Variants in RBFOX1 observed in about 807,000 individuals in gnomAD.
RBFOX1 encodes RNA binding protein fox-1 homolog 1.
RBFOX1 carries 8 observed loss-of-function variants against 57.7 expected under a neutral mutation model. That is an observed-to-expected ratio of 0.14 (90% confidence interval 0.08 to 0.25). The LOEUF (loss-of-function observed/expected upper bound fraction) is 0.25. RBFOX1 is among the 10% of genes least tolerant of loss of function. The pLI is 1.00. For synonymous variants in RBFOX1, 326 were observed against 222.4 expected (o/e 1.47, Z -4.15); for missense variants, 611 against 548.5 (o/e 1.11, Z -1.14).
At chr16:6,859,143 A>ATATATATATGTATATATACG (rs2058494083) in intron 3 of RBFOX1, among the ~76,000 whole-genome samples, 1 of 88,096 alleles carries the variant, frequency 1.1e-5, no homozygotes, top group African/African-American at 5.7e-5. Flanking sequence ...ATATATACGT[A>ATATATATATGTATATATACG]TATATATATG....
intron 7 of RBFOX1, among the ~76,000 whole-genome samples, chr16:7,594,039 A>G (rs534459707): frequency 1.3e-5 from 2 of 152,106 alleles, no homozygotes; most frequent in Non-Finnish European, 2.9e-5. Flanking sequence ...GGTTTGTTAC[A>G]TAGGTATACG....
intron 14 of RBFOX1, 136 bp from the exon 15 acceptor site, chr16:7,708,920 C>T: frequency 1.4e-6 from 1 of 727,234 alleles, no homozygotes; most frequent in Non-Finnish European, 2.4e-6. Flanking sequence ...TTATACTACA[C>T]AGCAGAGTAG....
chr16:6,853,149 T>C (rs2094160349), intron 3 of RBFOX1, among the ~76,000 whole-genome samples: 1 of 152,192 alleles, frequency 6.6e-6, no homozygotes, highest in South Asian at 2.1e-4. Context: ...GCTGCTTAAC[T>C]TCTCTGAGCC....
At chr16:7,649,902 T>A (rs573861004) in intron 11 of RBFOX1, among the ~76,000 whole-genome samples, 1 of 151,088 alleles carries the variant, frequency 6.6e-6, no homozygotes, top group Non-Finnish European at 1.5e-5. Flanking sequence ...CCAAAGTGAC[T>A]GAAAGGAAGG....
intron 4 of RBFOX1, among the ~76,000 whole-genome samples, chr16:7,198,606 C>G (rs1711940242): frequency 1.3e-5 from 2 of 152,266 alleles, no homozygotes; most frequent in East Asian, 1.9e-4. Flanking sequence ...GAGCATGACA[C>G]TGCATATCAC....
chr16:7,565,463 T>C (rs1255048624), intron 5 of RBFOX1, among the ~76,000 whole-genome samples: 1 of 152,194 alleles, frequency 6.6e-6, no homozygotes, highest in Non-Finnish European at 1.5e-5. Context: ...TATTGAATTA[T>C]GCCAGCCCAT....
chr16:5,692,317 A>G (rs987134017), intron 3 of RBFOX1, among the ~76,000 whole-genome samples: 11 of 152,244 alleles, frequency 7.2e-5, no homozygotes, highest in African/African-American at 2.4e-4. Context: ...CAACAAGCCA[A>G]GGAACTGCAG....
chr16:6,898,820 AATAC>A (rs1353187707), intron 3 of RBFOX1, among the ~76,000 whole-genome samples: 4 of 151,834 alleles, frequency 2.6e-5, no homozygotes, highest in South Asian at 2.1e-4. Context: ...GCATGTGTAT[AATAC>A]ATGTGTGTAT....
At chr16:6,109,412 T>C (rs1201355215) in intron 1 of RBFOX1, among the ~76,000 whole-genome samples, 2 of 152,222 alleles carry the variant, frequency 1.3e-5, no homozygotes, top group African/African-American at 4.8e-5. Flanking sequence ...ACTTATTTTC[T>C]TCTTATTCCC....
chr16:5,468,726 C>T (rs1206440116), intron 2 of RBFOX1, among the ~76,000 whole-genome samples: 1 of 152,206 alleles, frequency 6.6e-6, no homozygotes, highest in African/African-American at 2.4e-5. Context: ...AGCAGAAATC[C>T]ATTCTACAAC....
At chr16:6,685,036 G>C (rs1231787890) in intron 3 of RBFOX1, among the ~76,000 whole-genome samples, 1 of 152,100 alleles carries the variant, frequency 6.6e-6, no homozygotes, top group Non-Finnish European at 1.5e-5. Flanking sequence ...ACTTGCCTAA[G>C]GCTGCAGGAT....
intron 1 of RBFOX1, among the ~76,000 whole-genome samples, chr16:5,263,606 C>T (rs117278153): frequency 6.3e-4 from 96 of 152,074 alleles, no homozygotes; most frequent in Non-Finnish European, 1.2e-3. Flanking sequence ...AAAGGCAGGT[C>T]TCAAATGAGG....
rs77637834 is a variant in RBFOX1, at chr16:7,148,319, A to G, written c.27+96221A>G. Reference sequence around the variant, plus strand: ...AGTTTTCCTTTCAATGTTGTTTATAAGGAAACTCCAAGAAGCCTGATTTTA... The same window carrying G: ...AGTTTTCCTTTCAATGTTGTTTATAGGGAAACTCCAAGAAGCCTGATTTTA... On this transcript the variant is annotated intron_variant, in intron 4 of 15. Coordinates refer to ENST00000550418, the MANE Select transcript of RBFOX1 (RefSeq NM_018723.4). Among the ~76,000 whole-genome samples the G allele has an allele frequency of 8.8e-4, 134 of 152,342 alleles. 1 individual carries two copies. Among genetic ancestry groups the G allele is most frequent in the African/African-American group, 3.2e-3 (134 of 41,576 alleles).
intron 14 of RBFOX1, among the ~76,000 whole-genome samples, chr16:7,701,728 A>G (rs12918159): frequency 0.25 from 38,383 of 152,086 alleles, 5,130 homozygotes; most frequent in East Asian, 0.48. Flanking sequence ...TAAAACTAGG[A>G]GAAGGCTATA....
intron 4 of RBFOX1, among the ~76,000 whole-genome samples, chr16:7,097,493 T>A (rs1391248342): frequency 6.6e-6 from 1 of 152,108 alleles, no homozygotes; most frequent in African/African-American, 2.4e-5. Flanking sequence ...TGAGTGGAGT[T>A]TTCTTTTCTG....
At chr16:5,804,863 C>T (rs1370467607) in intron 3 of RBFOX1, among the ~76,000 whole-genome samples, 1 of 152,154 alleles carries the variant, frequency 6.6e-6, no homozygotes, top group Non-Finnish European at 1.5e-5. Flanking sequence ...CCTTGTTGTG[C>T]AGGGCAGCTC....
Position 6,971,511 on chromosome 16 carries a change from T to G in RBFOX1, c.-15-80546T>G, listed in dbSNP as rs530462051. The stretch of plus-strand genomic sequence containing the variant: ...AAGAGAGAGAGAGAGAGAGAGTTGG[T>G]GTGTGTGTGTGTGTGTACCACTGGA... On this transcript the variant is annotated intron_variant, in intron 3 of 15. Coordinates refer to ENST00000550418, the MANE Select transcript of RBFOX1 (RefSeq NM_018723.4). 2.1e-3 allele frequency among the ~76,000 whole-genome samples: 308 copies of G among 149,732 alleles called. 2 individuals are homozygous for G. The highest frequency in any genetic ancestry group is 7.1e-3 in the African/African-American group (293 of 40,980).
intron 3 of RBFOX1, among the ~76,000 whole-genome samples, chr16:5,783,547 A>G (rs758788989): frequency 6.6e-6 from 1 of 152,196 alleles, no homozygotes; most frequent in Non-Finnish European, 1.5e-5. Context: ...GTCTGTTTTC[A>G]TCGTGGTAAA....
At position 6,720,243 on chromosome 16, in the gene RBFOX1, C is replaced by G. The variant is rs535379064; in HGVS notation, c.-16+65593C>G. On this transcript the variant is annotated intron_variant, in intron 3 of 15. Transcript: ENST00000550418. ...ACTTAATGAAATACTGCTGAATGTTCAAGAAAAAAAAAAGTGTGTACTTCT... is the reference window on the plus strand; with the variant it reads ...ACTTAATGAAATACTGCTGAATGTTGAAGAAAAAAAAAAGTGTGTACTTCT... Among the ~76,000 whole-genome samples, 4 of 151,248 alleles carry G rather than the reference C, an allele frequency of 2.6e-5. No homozygotes were observed. In the South Asian group the frequency reaches 8.3e-4, roughly 32 times the overall value.
Sources: allele counts gnomAD v4.1 joint callset (sites outside exome capture counted in the v4.1 genomes callset), GRCh38; gene constraint gnomAD v4.1.1; transcripts MANE v1.5; gene names NCBI Gene and HGNC (gene_info 2026-07-23, HGNC 2026-07-21).